Variants in OXR1 observed in about 807,000 individuals in gnomAD.
The protein encoded by OXR1 is oxidation resistance 1.
A neutral mutation model predicts 104.6 loss-of-function variants in OXR1; 41 were observed. The ratio of observed to expected loss-of-function variants is 0.39; its 90% confidence interval spans 0.31 to 0.51. The LOEUF is 0.51. OXR1 is among the 20% of genes least tolerant of loss of function. The pLI is 0.77. For synonymous variants in OXR1, 348 were observed against 348.4 expected, an observed-to-expected ratio of 1.00 and a Z score of 0.01; for missense variants, 955 against 1,031.9, an observed-to-expected ratio of 0.93 and a Z score of 1.02.
At chr8:106,405,092 C>T (rs1266508381) in intron 2 of OXR1, among the ~76,000 whole-genome samples, 1 of 147,066 alleles carries the variant, frequency 6.8e-6, no homozygotes, top group East Asian at 2.0e-4. Context: ...AAGAGGAAGT[C>T]ATTAAAATAT....
intron 3 of OXR1, among the ~76,000 whole-genome samples, chr8:106,549,332 A>G (rs1363439516): frequency 1.3e-5 from 2 of 151,170 alleles, no homozygotes; most frequent in South Asian, 4.2e-4. Flanking sequence ...GTTTATTACT[A>G]TCTCCCCAGC....
intron 1 of OXR1, among the ~76,000 whole-genome samples, chr8:106,302,145 A>G (rs777842352): frequency 3.3e-5 from 5 of 152,134 alleles, no homozygotes; most frequent in Non-Finnish European, 5.9e-5. Flanking sequence ...TTTCTAGTCT[A>G]TTGTCAGTTT....
intron 3 of OXR1, among the ~76,000 whole-genome samples, chr8:106,634,760 A>G (rs1463325752): frequency 6.6e-6 from 1 of 152,256 alleles, no homozygotes; most frequent in African/African-American, 2.4e-5. Flanking sequence ...AATATGTTAA[A>G]TAATACCACA....
At chr8:106,642,456 G>A (rs568760747) in intron 3 of OXR1, among the ~76,000 whole-genome samples, 2 of 152,240 alleles carry the variant, frequency 1.3e-5, no homozygotes, top group Admixed American at 6.5e-5. Flanking sequence ...TCTATCTCAA[G>A]GCTCTGTCAT....
chr8:106,493,546 T>C (rs576281473), intron 2 of OXR1, among the ~76,000 whole-genome samples: 1 of 152,306 alleles, frequency 6.6e-6, no homozygotes, highest in East Asian at 1.9e-4. Flanking sequence ...TTTGATTCTT[T>C]CATGCTTATA....
At chr8:106,731,540 T>C (rs192530010) in intron 11 of OXR1, among the ~76,000 whole-genome samples, 13 of 152,302 alleles carry the variant, frequency 8.5e-5, no homozygotes, top group Non-Finnish European at 1.8e-4. Context: ...AGGAGATCCA[T>C]AGTTTTGTGT....
At chr8:106,703,505 G>A (rs1830772913) in intron 8 of OXR1, among the ~76,000 whole-genome samples, 1 of 150,886 alleles carries the variant, frequency 6.6e-6, no homozygotes, top group African/African-American at 2.4e-5. Context: ...ACATTGCTGT[G>A]GGCAAGACAG....
intron 2 of OXR1, among the ~76,000 whole-genome samples, chr8:106,508,250 A>G (rs1226248619): frequency 1.3e-5 from 2 of 152,256 alleles, no homozygotes; most frequent in Non-Finnish European, 2.9e-5. Flanking sequence ...CTCTTCTGTA[A>G]TAGAAAGAAA....
chr8:106,709,444 A>C (rs1831479799), intron 9 of OXR1, among the ~76,000 whole-genome samples: 3 of 152,160 alleles, frequency 2.0e-5, no homozygotes, highest in Admixed American at 2.0e-4. Context: ...CATCAAAGAC[A>C]GAAAATGCAT....
intron 11 of OXR1, among the ~76,000 whole-genome samples, chr8:106,729,406 T>C (rs558198201): frequency 1.3e-5 from 2 of 152,216 alleles, no homozygotes; most frequent in South Asian, 4.1e-4. Flanking sequence ...ATATACTTTA[T>C]ACATATTATT....
chr8:106,644,347 A>G (rs752036418), intron 3 of OXR1, among the ~76,000 whole-genome samples: 2 of 152,258 alleles, frequency 1.3e-5, no homozygotes, highest in South Asian at 2.1e-4. Flanking sequence ...GCATATTAAT[A>G]TATCATTAAA....
At chr8:106,359,047 T>TTTCC (rs1816119981) in intron 1 of OXR1, among the ~76,000 whole-genome samples, 1 of 141,134 alleles carries the variant, frequency 7.1e-6, no homozygotes. Flanking sequence ...CATGGAATTC[T>TTTCC]TTTCTTTCTT....
intron 1 of OXR1, among the ~76,000 whole-genome samples, chr8:106,317,449 A>G (rs1036288073): frequency 3.9e-5 from 6 of 152,214 alleles, no homozygotes; most frequent in African/African-American, 7.2e-5. Flanking sequence ...AATTTAGGCA[A>G]CTATTTACTA....
At chr8:106,406,595 A>G (rs543271548) in intron 2 of OXR1, among the ~76,000 whole-genome samples, 1 of 152,316 alleles carries the variant, frequency 6.6e-6, no homozygotes, top group South Asian at 2.1e-4. Context: ...AAGCTAATCC[A>G]AAAAGGCTAC....
At chr8:106,585,200 GACCA>G (rs1818538196) in intron 3 of OXR1, among the ~76,000 whole-genome samples, 1 of 152,026 alleles carries the variant, frequency 6.6e-6, no homozygotes, top group Admixed American at 6.6e-5. Flanking sequence ...CAGCAACTAT[GACCA>G]TAGGTTTGTG....
chr8:106,327,761 C>T (rs1224193900), intron 1 of OXR1, among the ~76,000 whole-genome samples: 4 of 152,164 alleles, frequency 2.6e-5, no homozygotes, highest in African/African-American at 4.8e-5. Context: ...TTTGGTTACT[C>T]ATGCCAGAGG....
At chr8:106,748,720 C>A (rs752338993) in intron 16 of OXR1, among the ~76,000 whole-genome samples, 12 of 151,826 alleles carry the variant, frequency 7.9e-5, no homozygotes, top group Non-Finnish European at 5.9e-5. Context: ...AGGCGCCCAC[C>A]ACCACGCCTA....
At position 106,406,201 on chromosome 8, in the gene OXR1, T is replaced by C. The variant is rs564992767; in HGVS notation, c.23+46565T>C. On this transcript the variant is annotated intron_variant, in intron 2 of 16. Transcript: ENST00000517566. Reference sequence around the variant, plus strand: ...GTACCTGGAGCACAGTCTGTACTCATTGATCCCCAAAATGGCTGTTACTTC... The same window carrying C: ...GTACCTGGAGCACAGTCTGTACTCACTGATCCCCAAAATGGCTGTTACTTC... 4.6e-5 allele frequency among the ~76,000 whole-genome samples: 7 copies of C among 152,288 alleles called. No homozygotes were observed. In the East Asian group the frequency reaches 9.7e-4, roughly 21 times the overall value.
intron 1 of OXR1, among the ~76,000 whole-genome samples, chr8:106,340,051 T>A (rs1487978558): frequency 1.3e-5 from 2 of 152,122 alleles, no homozygotes; most frequent in African/African-American, 4.8e-5. Context: ...ATGAAAGAAT[T>A]TTTATAAGCT....
Sources: gnomAD v4.1 joint callset for allele counts (sites outside exome capture counted in the v4.1 genomes callset) on GRCh38, gnomAD v4.1.1 for gene constraint, MANE v1.5 for transcripts, NCBI Gene and HGNC (gene_info 2026-07-23, HGNC 2026-07-21) for gene names.